Variants in RGS3 observed in about 807,000 individuals in gnomAD.
The protein encoded by RGS3 is regulator of G protein signaling 3, also known as regulator of G-protein signalling 3.
A neutral mutation model predicts 132.6 loss-of-function variants in RGS3; 80 were observed. The ratio of observed to expected loss-of-function variants is 0.60; its 90% CI spans 0.50 to 0.73. RGS3 has a LOEUF of 0.73. RGS3 is among the 30% of genes least tolerant of loss of function. The probability of loss-of-function intolerance (pLI) is 0.00; values close to 1 mark genes in which losing one functional copy is unlikely to be tolerated. For missense variants in RGS3, 1,382 were observed against 1,530.8 expected, an observed-to-expected ratio of 0.90 and a Z score of 1.62; for synonymous variants, 598 against 620.6, an observed-to-expected ratio of 0.96 and a Z score of 0.54.
chr9:113,478,521 C>T (rs1213905258), intron 3 of RGS3, among the ~76,000 whole-genome samples: 1 of 152,044 alleles, frequency 6.6e-6, no homozygotes, highest in African/African-American at 2.4e-5. Flanking sequence ...TTTAAAAACT[C>T]GTCTTTGTGG....
At chr9:113,486,302 T>G (rs1485464019) in intron 7 of RGS3, among the ~76,000 whole-genome samples, 1 of 152,148 alleles carries the variant, frequency 6.6e-6, no homozygotes, top group African/African-American at 2.4e-5. Flanking sequence ...AGAAGAAGGT[T>G]GGAAATGGCA....
At chr9:113,501,609 C>T (rs933903745) in intron 10 of RGS3, 4 of 1,561,824 alleles carry the variant, frequency 2.6e-6, no homozygotes, top group Admixed American at 3.8e-5. Flanking sequence ...GCAAGGTGTG[C>T]TCGGAGCGCC....
At chr9:113,569,573 C>T (rs1834173554) in intron 19 of RGS3, among the ~76,000 whole-genome samples, 1 of 146,036 alleles carries the variant, frequency 6.8e-6, no homozygotes, top group Non-Finnish European at 1.5e-5. Context: ...CCGTGTCTTT[C>T]CTTCTTTCCT....
At chr9:113,540,735 C>G (rs573530300) in intron 19 of RGS3, among the ~76,000 whole-genome samples, 1 of 152,328 alleles carries the variant, frequency 6.6e-6, no homozygotes, top group South Asian at 2.1e-4. Context: ...CCCCTTTCCT[C>G]GGGAGATCAC....
exon 20 of RGS3, chr9:113,583,717 G>A: frequency 6.2e-7 from 1 of 1,613,972 alleles, no homozygotes; most frequent in East Asian, 2.2e-5. Context: ...ACCATGCCAG[G>A]AACCCCCTCC....
Position 113,594,174 on chromosome 9 carries a change from C to T in RGS3, c.3081-256C>T. ...AGAGAGCGTGTGTGGCTGCAGCCTG[C>T]ACCGTTGCTGCCCGCTGCCCAGGAC... On this transcript the variant is annotated intron_variant, in intron 21 of 24. Transcript: ENST00000350696. 4 of 1,613,092 alleles carry T rather than the reference C, an allele frequency of 2.5e-6. No homozygotes were observed. The South Asian group carries it at 4.4e-5, about 18-fold the overall frequency.
intron 3 of RGS3, among the ~76,000 whole-genome samples, chr9:113,474,871 A>G (rs1055823644): frequency 2.0e-5 from 3 of 152,068 alleles, no homozygotes; most frequent in African/African-American, 2.4e-5. Context: ...CTGATCCCTG[A>G]GTCTAGCAAA....
chr9:113,484,716 C>T (rs1000434412), intron 6 of RGS3, among the ~76,000 whole-genome samples: 1 of 152,124 alleles, frequency 6.6e-6, no homozygotes, highest in Non-Finnish European at 1.5e-5. Flanking sequence ...ATAAATGGGA[C>T]AGTATAACAT....
chr9:113,484,061 G>A, intron 5 of RGS3, 77 bp from the exon 4 acceptor site: 1 of 856,524 alleles, frequency 1.2e-6, no homozygotes, highest in Non-Finnish European at 2.0e-6. Context: ...CTTTAACTTG[G>A]AGATGTGCAG....
At chr9:113,459,148 C>G (rs1243513562), upstream of RGS3, among the ~76,000 whole-genome samples, 1 of 152,092 alleles carries the variant, frequency 6.6e-6, no homozygotes. Context: ...TGGTTTTTGT[C>G]TTTGTCTAGC....
chr9:113,584,312 G>A, exon 20 of RGS3: 2 of 1,605,246 alleles, frequency 1.2e-6, no homozygotes, highest in Middle Eastern at 1.7e-4. Context: ...TGCTCAGACG[G>A]TGAGGGCGCC....
exon 7 of RGS3, chr9:113,485,653 C>T (rs759123934): frequency 7.2e-5 from 115 of 1,598,370 alleles, no homozygotes; most frequent in South Asian, 2.3e-4. Flanking sequence ...TGATCAGAAG[C>T]GTCTCTTGGT....
chr9:113,505,303 C>T (rs1831078804), intron 10 of RGS3, 139 bp from the exon 9 acceptor site: 3 of 689,648 alleles, frequency 4.4e-6, no homozygotes, highest in South Asian at 3.4e-5. Context: ...CACTGAGGGG[C>T]TGGCTAGCTC....
intron 10 of RGS3, among the ~76,000 whole-genome samples, chr9:113,500,070 A>G (rs1434257072): frequency 5.3e-5 from 8 of 151,616 alleles, no homozygotes; most frequent in Admixed American, 5.3e-4. Flanking sequence ...CCAACATCAC[A>G]GGTTTCTTGG....
intron 10 of RGS3, chr9:113,501,711 C>G: frequency 7.3e-7 from 1 of 1,370,572 alleles, no homozygotes. Context: ...GGATCTCGCT[C>G]CTCACAAGGT....
At chr9:113,542,156 T>C (rs1352659450) in intron 19 of RGS3, 2 of 151,766 alleles carry the variant, frequency 1.3e-5, no homozygotes, top group Non-Finnish European at 2.9e-5. Context: ...AACCGAGACT[T>C]GTGGGCTGGA....
At chr9:113,503,787 G>T (rs1379644810) in intron 10 of RGS3, among the ~76,000 whole-genome samples, 1 of 152,180 alleles carries the variant, frequency 6.6e-6, no homozygotes, top group African/African-American at 2.4e-5. Context: ...AAAAATCCCC[G>T]CTGGTTCCAT....
At chr9:113,508,555 G>T in exon 14 of RGS3, 1 of 1,612,638 alleles carries the variant, frequency 6.2e-7, no homozygotes, top group South Asian at 1.1e-5. Flanking sequence ...TCCGGCCTGT[G>T]TACCAGGAGG....
chr9:113,448,427 T>G (rs1829161900), intron 1 of RGS3, among the ~76,000 whole-genome samples: 1 of 151,600 alleles, frequency 6.6e-6, no homozygotes, highest in African/African-American at 2.4e-5. Context: ...ACCTTCTGAC[T>G]TTTTTTTTGG....
Sources: allele counts gnomAD v4.1 joint callset (sites outside exome capture counted in the v4.1 genomes callset), GRCh38; gene constraint gnomAD v4.1.1; transcripts MANE v1.5; gene names NCBI Gene and HGNC (gene_info 2026-07-23, HGNC 2026-07-21).